GLT1D1: variants seen among roughly 807,000 people sequenced by gnomAD.
GLT1D1 encodes glycosyltransferase 1 domain containing 1, also known as glycosyltransferase 1 domain-containing protein 1.
In GLT1D1, 21 loss-of-function variants were observed where a neutral mutation model predicts 28.7. The ratio of observed to expected loss-of-function variants is 0.73; its 90% CI spans 0.52 to 1.05. GLT1D1 has a LOEUF of 1.05. GLT1D1 is among the 50% of genes least tolerant of loss of function. The pLI is 0.00. For synonymous variants in GLT1D1, 147 were observed against 124.8 expected (o/e 1.18, Z -1.19); for missense variants, 343 against 330.6 (o/e 1.04, Z -0.29).
At chr12:128,912,041 C>G (rs568106327) in intron 4 of GLT1D1, among the ~76,000 whole-genome samples, 1 of 152,234 alleles carries the variant, frequency 6.6e-6, no homozygotes, top group South Asian at 2.1e-4. Context: ...ACATGCTTCC[C>G]CAAACCTCCA....
intron 4 of GLT1D1, among the ~76,000 whole-genome samples, chr12:128,933,385 C>T (rs28529247): frequency 6.6e-6 from 1 of 152,232 alleles, no homozygotes; most frequent in Non-Finnish European, 1.5e-5. Flanking sequence ...GAACAATACG[C>T]TTTCTTTTAC....
chr12:128,945,419 GC>G, intron 5 of GLT1D1, 50 bp downstream of exon 9: 2 of 1,445,358 alleles, frequency 1.4e-6, no homozygotes, highest in South Asian at 1.1e-5. Flanking sequence ...AGCCTGAGTG[GC>G]CCCTGGGTTA....
intron 2 of GLT1D1, among the ~76,000 whole-genome samples, chr12:128,881,549 AAAAAAAAAAAAAATATATATATAT>A (rs1425063933): frequency 4.2e-4 from 32 of 75,736 alleles, no homozygotes; most frequent in African/African-American, 1.6e-3. Flanking sequence ...AAAAAAAAAA[AAAAAAAAAAAAAATATATATATAT>A]ATATATATAT....
intron 4 of GLT1D1, among the ~76,000 whole-genome samples, chr12:128,930,868 A>G (rs1010791333): frequency 6.6e-6 from 1 of 152,084 alleles, no homozygotes; most frequent in African/African-American, 2.4e-5. Context: ...AGCAGGTGCC[A>G]TTTGTTTCTT....
At chr12:128,959,411 T>TGGAG (rs1555219943) in intron 7 of GLT1D1, among the ~76,000 whole-genome samples, 17 of 31,522 alleles carry the variant, frequency 5.4e-4, no homozygotes, top group East Asian at 3.0e-3. Context: ...CATGAGGCAG[T>TGGAG]GGGGGGGGAC....
intron 6 of GLT1D1, among the ~76,000 whole-genome samples, chr12:128,950,329 T>A (rs1876566857): frequency 1.3e-5 from 2 of 152,226 alleles, no homozygotes; most frequent in Admixed American, 6.5e-5. Context: ...TTCTAATCAA[T>A]TCATTGCATC....
chr12:128,953,178 C>T (rs1224427098), intron 6 of GLT1D1, among the ~76,000 whole-genome samples: 1 of 152,126 alleles, frequency 6.6e-6, no homozygotes, highest in Non-Finnish European at 1.5e-5. Context: ...ACTGTGTTCT[C>T]CTTTTGTTGT....
intron 1 of GLT1D1, among the ~76,000 whole-genome samples, chr12:128,857,710 C>T (rs1427564435): frequency 6.6e-6 from 1 of 152,088 alleles, no homozygotes; most frequent in Non-Finnish European, 1.5e-5. Context: ...AGGAGTTCCC[C>T]AAATACGTAA....
chr12:128,906,968 G>A, intron 4 of GLT1D1: 1 of 702,588 alleles, frequency 1.4e-6, no homozygotes. Flanking sequence ...AGCTCCACAA[G>A]TCAGTGCAGA....
chr12:128,949,772 A>G (rs1255809016), intron 6 of GLT1D1, among the ~76,000 whole-genome samples: 1 of 151,920 alleles, frequency 6.6e-6, no homozygotes, highest in Admixed American at 6.6e-5. Context: ...ACACAGGCAC[A>G]CACACACACG....
In GLT1D1 at chr12:128,869,253, T is replaced by C. The variant is rs371905186; in HGVS notation, c.69-6661T>C. Among the ~76,000 whole-genome samples the C allele has an allele frequency of 3.1e-3, 469 of 152,192 alleles. 2 individuals are homozygous for C. The highest frequency in any genetic ancestry group is 0.011 in the African/African-American group (438 of 41,524). On this transcript the variant is annotated intron_variant, in intron 1 of 7. Coordinates refer to ENST00000281703, the MANE Select transcript of GLT1D1 (RefSeq NM_144669.3). ...ACCGTCTTGACTCACTGCAGCCTTG[T>C]CTTCCAGGGCTAAAGCCATCCTCCC...
At chr12:128,874,148 T>C (rs866781432) in intron 1 of GLT1D1, among the ~76,000 whole-genome samples, 296 of 123,660 alleles carry the variant, frequency 2.4e-3, no homozygotes, top group Non-Finnish European at 4.1e-3. Flanking sequence ...CTTTCTTTCT[T>C]TCTTTCTTTC....
intron 3 of GLT1D1, among the ~76,000 whole-genome samples, chr12:128,897,658 T>C (rs970051617): frequency 1.3e-5 from 2 of 152,192 alleles, no homozygotes; most frequent in African/African-American, 4.8e-5. Context: ...AACCTTATGC[T>C]ATGTCAAATT....
chr12:128,920,898 A>C (rs749270769), intron 4 of GLT1D1, among the ~76,000 whole-genome samples: 1 of 152,270 alleles, frequency 6.6e-6, no homozygotes, highest in African/African-American at 2.4e-5. Context: ...AGGAGGAGAC[A>C]ACATTTATTA....
chr12:128,905,337 CGTGT>C (rs1566119554), intron 4 of GLT1D1, among the ~76,000 whole-genome samples: 289 of 152,330 alleles, frequency 1.9e-3, no homozygotes, highest in African/African-American at 6.0e-3. Flanking sequence ...CACGTGGCCA[CGTGT>C]GGCGAGGGCT....
chr12:128,883,193 G>C (rs1199830721), intron 2 of GLT1D1, among the ~76,000 whole-genome samples: 1 of 151,606 alleles, frequency 6.6e-6, no homozygotes, highest in Non-Finnish European at 1.5e-5. Context: ...CAAAGTGCTG[G>C]GATTAGAGGC....
Position 128,853,510 on chromosome 12 carries a change from C to G in GLT1D1, c.-72C>G. On this transcript the variant is annotated 5_prime_UTR_variant, in exon 1 of 8. Transcript: ENST00000281703. ...CAGCCGCCCCGGCTCCCCCGCCGTC[C>G]GCGTCTGCGCCGGCCCCGGGGCCTG... 1.0e-6 allele frequency: 1 copy of G among 998,680 alleles called. No homozygotes were observed. The highest frequency in any genetic ancestry group is 1.2e-6 in the Non-Finnish European group (1 of 837,478). The allele number at this position is 998,680 out of a possible 1,614,324, so 61.9% of individuals were successfully genotyped here.
chr12:128,881,561 A>ATATAT (rs1201275552), intron 2 of GLT1D1, among the ~76,000 whole-genome samples: 3 of 33,724 alleles, frequency 8.9e-5, no homozygotes, highest in Non-Finnish European at 1.6e-4. Flanking sequence ...AAAAAAAAAA[A>ATATAT]ATATATATAT....
chr12:128,956,923 C>A (rs35273929), intron 6 of GLT1D1, among the ~76,000 whole-genome samples: 1 of 152,288 alleles, frequency 6.6e-6, no homozygotes, highest in Non-Finnish European at 1.5e-5. Context: ...GAAAGAGAAC[C>A]CGCAAAATGC....
Sources: gnomAD v4.1 joint callset for allele counts (sites outside exome capture counted in the v4.1 genomes callset) on GRCh38, gnomAD v4.1.1 for gene constraint, MANE v1.5 for transcripts, NCBI Gene and HGNC (gene_info 2026-07-23, HGNC 2026-07-21) for gene names.